The following TTC29 variants were observed in gnomAD, a reference collection of about 807,000 sequenced individuals.
TTC29 encodes tetratricopeptide repeat domain 29.
TTC29 carries 49 observed loss-of-function variants against 58.1 expected under a neutral mutation model. The observed-to-expected ratio is 0.84, with a 90% CI of 0.67 to 1.07. The LOEUF (loss-of-function observed/expected upper bound fraction) is 1.07, where lower values mean the gene tolerates loss of function less well. Among genes scored for constraint, TTC29 ranks in the 50% least tolerant of loss-of-function variants. The probability of loss-of-function intolerance (pLI) is 0.00; values close to 1 mark genes in which losing one functional copy is unlikely to be tolerated. For synonymous variants in TTC29, 209 were observed against 196.8 expected, an observed-to-expected ratio of 1.06 and a Z score of -0.52; for missense variants, 582 against 555.6, an observed-to-expected ratio of 1.05 and a Z score of -0.48.
intron 11 of TTC29, among the ~76,000 whole-genome samples, chr4:146,709,516 G>A (rs79274167): frequency 5.5e-4 from 83 of 151,752 alleles, no homozygotes; most frequent in African/African-American, 1.9e-3. Flanking sequence ...TGCTTACTTG[G>A]CAAAAGTATA....
At position 146,912,379 on chromosome 4, in the gene TTC29, TA is replaced by T. The variant is rs199955632; in HGVS notation, c.177-3131del. On this transcript the variant is annotated intron_variant, in intron 4 of 12. Transcript: ENST00000325106. ...AATATTGCACAGAACATACTTATTC[TA>T]AAAAAAAATTTCTTGTTTTTGAAAC... Among the ~76,000 whole-genome samples the T allele has an allele frequency of 3.6e-3, 552 of 151,890 alleles. 10 individuals are homozygous for T. The highest frequency in any genetic ancestry group is 0.029 in the Admixed American group (435 of 15,248).
At chr4:146,778,732 A>C (rs1348971453) in intron 11 of TTC29, among the ~76,000 whole-genome samples, 1 of 152,106 alleles carries the variant, frequency 6.6e-6, no homozygotes, top group Admixed American at 6.6e-5. Flanking sequence ...CTGTTGTGAA[A>C]ATCAAATACC....
At chr4:146,832,295 C>T (rs539518282) in intron 9 of TTC29, among the ~76,000 whole-genome samples, 3 of 152,280 alleles carry the variant, frequency 2.0e-5, no homozygotes, top group South Asian at 4.1e-4. Context: ...TTATCAGTCT[C>T]TTCTTTGTAT....
At chr4:146,765,302 G>A (rs1030063196) in intron 11 of TTC29, among the ~76,000 whole-genome samples, 3 of 152,122 alleles carry the variant, frequency 2.0e-5, no homozygotes, top group Non-Finnish European at 4.4e-5. Flanking sequence ...TTCATGGAAA[G>A]TAATTCTTTA....
chr4:146,778,012 T>C (rs1748237989), intron 11 of TTC29, among the ~76,000 whole-genome samples: 1 of 152,206 alleles, frequency 6.6e-6, no homozygotes, highest in African/African-American at 2.4e-5. Context: ...AGATGGCTAC[T>C]GAATATCTCA....
chr4:146,897,469 G>A (rs1309208260), intron 6 of TTC29, among the ~76,000 whole-genome samples: 1 of 152,042 alleles, frequency 6.6e-6, no homozygotes, highest in East Asian at 1.9e-4. Context: ...CTTACTATTT[G>A]TATGCCATGC....
At chr4:146,712,689 G>T (rs1028400987) in intron 11 of TTC29, among the ~76,000 whole-genome samples, 8 of 152,110 alleles carry the variant, frequency 5.3e-5, no homozygotes, top group African/African-American at 1.9e-4. Flanking sequence ...GGATTTTGAA[G>T]AGACTTTAAT....
intron 11 of TTC29, among the ~76,000 whole-genome samples, chr4:146,743,701 C>T (rs560365892): frequency 1.3e-5 from 2 of 152,226 alleles, no homozygotes; most frequent in Non-Finnish European, 2.9e-5. Flanking sequence ...GATAATTTTG[C>T]TTCTTATTTC....
chr4:146,867,495 T>A lies in TTC29; in HGVS notation c.885+3A>T. The A allele has an allele frequency of 1.4e-6, 2 of 1,437,760 alleles. No individual in the cohort carries two copies. The highest frequency in any genetic ancestry group is 4.9e-5 in the Admixed American group (2 of 41,128). The allele number at this position is 1,437,760 out of a possible 1,614,324, so 89.1% of individuals were successfully genotyped here. On this transcript the variant is annotated splice_donor_region_variant and intron_variant, in intron 8 of 12. Transcript: ENST00000325106. Reference sequence around the variant, plus strand: ...AATGGCAGTGATTAAAAGTTTAGCTTACTGTTAATGCTGTTTCATATTCCT... The same window carrying A: ...AATGGCAGTGATTAAAAGTTTAGCTAACTGTTAATGCTGTTTCATATTCCT...
At chr4:146,829,708 A>G (rs527981497) in intron 9 of TTC29, among the ~76,000 whole-genome samples, 6 of 152,186 alleles carry the variant, frequency 3.9e-5, no homozygotes, top group Non-Finnish European at 8.8e-5. Context: ...TAATTTTCAC[A>G]CTTGAAACTT....
intron 8 of TTC29, among the ~76,000 whole-genome samples, chr4:146,855,937 C>T (rs564307206): frequency 5.3e-5 from 8 of 152,242 alleles, no homozygotes; most frequent in Admixed American, 2.6e-4. Context: ...CTTCTTCTTT[C>T]GCAGCCTCTA....
At chr4:146,907,446 A>G (rs1171119464) in intron 5 of TTC29, among the ~76,000 whole-genome samples, 3 of 152,162 alleles carry the variant, frequency 2.0e-5, no homozygotes, top group Non-Finnish European at 4.4e-5. Flanking sequence ...TTCAGTTTAA[A>G]TATCACTGTA....
chr4:146,784,175 A>G (rs959691899), intron 11 of TTC29, among the ~76,000 whole-genome samples: 2 of 151,888 alleles, frequency 1.3e-5, no homozygotes, highest in African/African-American at 4.8e-5. Flanking sequence ...CACTTACTGT[A>G]TAAAAGGACA....
intron 10 of TTC29, among the ~76,000 whole-genome samples, chr4:146,805,515 A>G (rs1323533007): frequency 6.6e-6 from 1 of 152,056 alleles, no homozygotes; most frequent in East Asian, 1.9e-4. Flanking sequence ...ATTCCTATCT[A>G]AAATAACCAG....
intron 8 of TTC29, among the ~76,000 whole-genome samples, chr4:146,835,185 T>C (rs886473051): frequency 9.8e-5 from 15 of 152,332 alleles, no homozygotes; most frequent in African/African-American, 3.6e-4. Flanking sequence ...CTCTTTTTTT[T>C]ATTCTTATAC....
intron 2 of TTC29, among the ~76,000 whole-genome samples, chr4:146,941,537 A>T (rs114715668): frequency 0.034 from 5,185 of 152,286 alleles, 89 homozygotes; most frequent in Non-Finnish European, 0.04. Flanking sequence ...GATGTTGATA[A>T]GATTCTCTGC....
intron 8 of TTC29, among the ~76,000 whole-genome samples, chr4:146,857,041 T>C (rs1228791873): frequency 6.6e-6 from 1 of 150,668 alleles, no homozygotes; most frequent in African/African-American, 2.5e-5. Context: ...CAAAATAAGA[T>C]CAGATATGGA....
At chr4:146,711,285 A>G (rs903066509) in intron 11 of TTC29, among the ~76,000 whole-genome samples, 1 of 152,190 alleles carries the variant, frequency 6.6e-6, no homozygotes, top group African/African-American at 2.4e-5. Flanking sequence ...AGAGCATGAT[A>G]TGAAGGCTGT....
intron 2 of TTC29, among the ~76,000 whole-genome samples, chr4:146,941,549 G>A (rs1331099186): frequency 6.6e-6 from 1 of 152,092 alleles, no homozygotes; most frequent in Non-Finnish European, 1.5e-5. Context: ...ATTCTCTGCT[G>A]GAAAACAAAG....
Sources: gnomAD v4.1 joint callset for allele counts (sites outside exome capture counted in the v4.1 genomes callset) on GRCh38, gnomAD v4.1.1 for gene constraint, MANE v1.5 for transcripts, NCBI Gene and HGNC (gene_info 2026-07-23, HGNC 2026-07-21) for gene names.